PEX5L: variants seen among roughly 807,000 people sequenced by gnomAD.
PEX5L encodes PEX5-related protein.
Under a neutral mutation model 84.0 loss-of-function variants are expected in PEX5L, and 30 were observed. That is an observed-to-expected ratio of 0.36 (90% CI 0.27 to 0.48). The LOEUF is 0.48. Ranked by LOEUF, PEX5L falls within the 20% of genes least tolerant of loss-of-function variation. The pLI is 0.99. For synonymous variants in PEX5L, 270 were observed against 283.1 expected, an observed-to-expected ratio of 0.95 and a Z score of 0.46; for missense variants, 533 against 754.6, an observed-to-expected ratio of 0.71 and a Z score of 3.44.
At chr3:179,897,012 G>T (rs1010920061) in intron 3 of PEX5L, among the ~76,000 whole-genome samples, 1 of 151,994 alleles carries the variant, frequency 6.6e-6, no homozygotes, top group Non-Finnish European at 1.5e-5. Context: ...CCAAAGTCTT[G>T]GGAATCTTTA....
chr3:179,963,170 G>A (rs1352287743), intron 2 of PEX5L, among the ~76,000 whole-genome samples: 1 of 152,078 alleles, frequency 6.6e-6, no homozygotes, highest in African/African-American at 2.4e-5. Flanking sequence ...GGAAAACTGG[G>A]GAAGATGGAC....
Position 179,801,320 on chromosome 3 carries a change from C to T in PEX5L, c.*508G>A, listed in dbSNP as rs1385503545. 6.5e-6 allele frequency: 1 copy of T among 154,380 alleles called. No homozygotes were observed. The highest frequency in any genetic ancestry group is 1.4e-5 in the Non-Finnish European group (1 of 69,214). The allele number at this position is 154,380 out of a possible 1,614,324, so 9.6% of individuals were successfully genotyped here. Reference sequence around the variant, plus strand: ...GCTACAGTAAAAGTTAAAATTGGAACAGGTTTAAGCAATGTCTGTCTTTAG... The same window carrying T: ...GCTACAGTAAAAGTTAAAATTGGAATAGGTTTAAGCAATGTCTGTCTTTAG... On this transcript the variant is annotated 3_prime_UTR_variant, in exon 15 of 15. Coordinates refer to ENST00000467460, the MANE Select transcript of PEX5L (RefSeq NM_016559.3).
chr3:179,860,080 G>A (rs1745475094), intron 7 of PEX5L, among the ~76,000 whole-genome samples: 1 of 152,070 alleles, frequency 6.6e-6, no homozygotes, highest in African/African-American at 2.4e-5. Context: ...ATTCTTCAAT[G>A]TTTTCACTCA....
chr3:179,983,895 G>C lies in PEX5L; in HGVS notation c.22-12230C>G, dbSNP rs556190525. On this transcript the variant is annotated intron_variant, in intron 1 of 14. Transcript: ENST00000467460. Reference sequence around the variant, plus strand: ...GTGTTTTTTGATATTGTATAATGAAGTATGACAACATTGGAAGATATGAAC... The same window carrying C: ...GTGTTTTTTGATATTGTATAATGAACTATGACAACATTGGAAGATATGAAC... Among the ~76,000 whole-genome samples the C allele has an allele frequency of 2.0e-5, 3 of 152,124 alleles. No homozygotes were observed. In the East Asian group the frequency reaches 5.8e-4, roughly 29 times the overall value.
At chr3:179,944,724 A>G (rs1436401953) in intron 2 of PEX5L, among the ~76,000 whole-genome samples, 2 of 152,362 alleles carry the variant, frequency 1.3e-5, no homozygotes, top group South Asian at 4.1e-4. Flanking sequence ...GGCCGTTTTC[A>G]ACAGTTTTCA....
chr3:179,963,591 T>C (rs745589214), intron 2 of PEX5L, among the ~76,000 whole-genome samples: 1 of 152,156 alleles, frequency 6.6e-6, no homozygotes, highest in Non-Finnish European at 1.5e-5. Flanking sequence ...CTGGACCCCA[T>C]GGGTTGTATA....
Position 179,819,944 on chromosome 3 carries a change from T to A in PEX5L, c.855A>T (p.Ala285=). ...TCCTCCGAGCCATTTCTTCCCATTC[T>A]GCTTGCATCTTATCCCAAAACTCTG... ...SDTEFWDKMQ[A]EWEEMARRNW... Residue 285 remains alanine, a synonymous_variant, in exon 9 of 15, where the codon GCA becomes GCT. Transcript: ENST00000467460. 1 of 1,613,266 alleles carries A rather than the reference T, an allele frequency of 6.2e-7. No individual in the cohort carries two copies. Among genetic ancestry groups the A allele is most frequent in the Middle Eastern group, 1.6e-4 (1 of 6,062 alleles).
intron 1 of PEX5L, among the ~76,000 whole-genome samples, chr3:180,030,504 T>G (rs1374021176): frequency 9.2e-5 from 14 of 152,344 alleles, no homozygotes; most frequent in African/African-American, 2.4e-5. Flanking sequence ...AATACTTATA[T>G]AGAGTCATCA....
intron 1 of PEX5L, among the ~76,000 whole-genome samples, chr3:179,992,289 A>G (rs1242120055): frequency 1.3e-5 from 2 of 152,264 alleles, no homozygotes; most frequent in African/African-American, 4.8e-5. Flanking sequence ...AAGAATATTT[A>G]GTCTGACTTT....
chr3:179,909,768 A>T lies in PEX5L; in HGVS notation c.94-11522T>A, dbSNP rs560658878. 4.6e-5 allele frequency among the ~76,000 whole-genome samples: 7 copies of T among 152,328 alleles called. No homozygotes were observed. The East Asian group carries it at 1.2e-3, about 25-fold the overall frequency. ...CTAATCCAATATGACTGGTATTCTT[A>T]TAAGAAAAGGAAATTAAGACACAGA... On this transcript the variant is annotated intron_variant, in intron 2 of 14. Transcript: ENST00000467460.
intron 2 of PEX5L, among the ~76,000 whole-genome samples, chr3:179,938,387 G>C (rs949018334): frequency 8.5e-5 from 13 of 152,170 alleles, no homozygotes; most frequent in Admixed American, 7.2e-4. Context: ...TCAAAATTGT[G>C]CATCTGCACA....
chr3:179,869,300 CCTATT>C (rs1749463979), intron 7 of PEX5L, among the ~76,000 whole-genome samples: 1 of 152,132 alleles, frequency 6.6e-6, no homozygotes, highest in South Asian at 2.1e-4. Context: ...ACTATCTTAA[CCTATT>C]TGTGGAGAAG....
Position 179,859,148 on chromosome 3 carries a change from T to G in PEX5L, c.736A>C (p.Thr246Pro). The G allele has an allele frequency of 6.2e-7, 1 of 1,612,698 alleles. No homozygotes were observed. The highest frequency in any genetic ancestry group is 8.5e-7 in the Non-Finnish European group (1 of 1,178,654). Residue 246 changes from threonine to proline, a missense_variant, in exon 8 of 15, where the codon ACC becomes CCC. By Grantham distance (38) the Thr-to-Pro change is conservative. Coordinates refer to ENST00000467460, the MANE Select transcript of PEX5L (RefSeq NM_016559.3). ...GCGCTTCCCCAGCGATGTTCTTTGG[T>G]CAGTCGAGCCTGAAATCAATCATAC... is the stretch of plus-strand genomic sequence containing the variant. ...ELVAPTQARLTKEHRWGSALL... is the reference protein window; with the variant it reads ...ELVAPTQARLPKEHRWGSALL...
chr3:179,825,712 C>T (rs1161554860), intron 8 of PEX5L, among the ~76,000 whole-genome samples: 1 of 152,170 alleles, frequency 6.6e-6, no homozygotes, highest in Non-Finnish European at 1.5e-5. Flanking sequence ...GGCTCCTTGT[C>T]ACGTGACCTT....
chr3:179,907,619 T>C (rs1763715746), intron 2 of PEX5L, among the ~76,000 whole-genome samples: 1 of 152,160 alleles, frequency 6.6e-6, no homozygotes, highest in South Asian at 2.1e-4. Flanking sequence ...TCGTCTTCCC[T>C]CCTTTTTTTA....
chr3:180,017,650 ATTAT>A (rs1333079921), intron 1 of PEX5L, among the ~76,000 whole-genome samples: 7 of 151,860 alleles, frequency 4.6e-5, no homozygotes, highest in Non-Finnish European at 7.4e-5. Flanking sequence ...CCTTATAAAA[ATTAT>A]TTATTTCTTT....
At chr3:179,961,602 T>C (rs1219365419) in intron 2 of PEX5L, among the ~76,000 whole-genome samples, 1 of 152,174 alleles carries the variant, frequency 6.6e-6, no homozygotes, top group Non-Finnish European at 1.5e-5. Context: ...AAGGGAACTT[T>C]ACTCTGTAAA....
chr3:180,008,256 A>C (rs1789104561), intron 1 of PEX5L, among the ~76,000 whole-genome samples: 1 of 152,216 alleles, frequency 6.6e-6, no homozygotes, highest in Admixed American at 6.5e-5. Context: ...CTCTTTGCTA[A>C]AACATAACAA....
chr3:180,016,574 G>A (rs2110489505), intron 1 of PEX5L, among the ~76,000 whole-genome samples: 1 of 152,298 alleles, frequency 6.6e-6, no homozygotes, highest in East Asian at 1.9e-4. Context: ...CACAAAAGAA[G>A]TAGACATGTA....
Sources: gnomAD v4.1 joint callset for allele counts (sites outside exome capture counted in the v4.1 genomes callset) on GRCh38, gnomAD v4.1.1 for gene constraint, MANE v1.5 for transcripts, NCBI Gene and HGNC (gene_info 2026-07-23, HGNC 2026-07-21) for gene names.